The following KCNS3 variants were observed in gnomAD, a reference collection of about 807,000 sequenced individuals.
KCNS3 encodes delayed-rectifier potassium channel regulatory subunit KCNS3.
KCNS3 carries 13 observed loss-of-function variants against 31.0 expected under a neutral mutation model. The ratio of observed to expected loss-of-function variants is 0.42; its 90% CI spans 0.27 to 0.67. The LOEUF (loss-of-function observed/expected upper bound fraction) is 0.67, where lower values mean the gene tolerates loss of function less well. KCNS3 is among the 30% of genes least tolerant of loss of function. The pLI is 0.25. For missense variants in KCNS3, 545 were observed against 622.4 expected (o/e 0.88, Z 1.32); for synonymous variants, 238 against 241.5 (o/e 0.99, Z 0.13).
chr2:17,899,012 G>T (rs758046249), intron 1 of KCNS3, among the ~76,000 whole-genome samples: 1 of 152,136 alleles, frequency 6.6e-6, no homozygotes, highest in Admixed American at 6.5e-5. Context: ...TGGATCACAA[G>T]GTCAAGAGAT....
chr2:17,889,891 T>C (rs1215117903), intron 1 of KCNS3, among the ~76,000 whole-genome samples: 1 of 152,202 alleles, frequency 6.6e-6, no homozygotes, highest in Non-Finnish European at 1.5e-5. Flanking sequence ...GTTTTCTTTT[T>C]TGGTTATATC....
chr2:17,887,775 GT>G (rs1236280944), intron 1 of KCNS3, among the ~76,000 whole-genome samples: 1 of 152,122 alleles, frequency 6.6e-6, no homozygotes, highest in Admixed American at 6.5e-5. Context: ...GGTTGTACTA[GT>G]TTACATTCCC....
chr2:17,913,416 A>C (rs1318755039), intron 1 of KCNS3, among the ~76,000 whole-genome samples: 2 of 152,292 alleles, frequency 1.3e-5, no homozygotes, highest in East Asian at 3.8e-4. Context: ...TATAGATCTG[A>C]AACTAGATTA....
At position 17,932,347 on chromosome 2, in the gene KCNS3, C is replaced by T. The variant is rs142950694; in HGVS notation, c.1339C>T (p.Arg447Trp). ...YFNIRDIYAQ[R>W]MHTFITSLSS... is the part of the protein sequence containing the mutation. ...TAACATTAGGGATATATATGCACAGCGGATGCACACCTTCATTACCAGTCT... is the reference window on the plus strand; with the variant it reads ...TAACATTAGGGATATATATGCACAGTGGATGCACACCTTCATTACCAGTCT... The change falls in exon 3 of 3, where the codon CGG becomes TGG. Residue 447 changes from arginine (R) to tryptophan (W), a missense_variant. By Grantham distance (101) the Arg-to-Trp change is moderately radical. Coordinates refer to ENST00000304101, the MANE Select transcript of KCNS3 (RefSeq NM_002252.5). 7.9e-5 allele frequency: 127 copies of T among 1,614,030 alleles called. No homozygotes were observed. Among genetic ancestry groups the T allele is most frequent in the East Asian group, 2.9e-4 (13 of 44,876 alleles).
At chr2:17,881,638 C>T (rs559766697) in intron 1 of KCNS3, among the ~76,000 whole-genome samples, 1 of 152,222 alleles carries the variant, frequency 6.6e-6, no homozygotes, top group Non-Finnish European at 1.5e-5. Context: ...TGTACAAGGT[C>T]ACCCAGCCCG....
At chr2:17,884,730 A>G (rs142859641) in intron 1 of KCNS3, among the ~76,000 whole-genome samples, 23 of 152,288 alleles carry the variant, frequency 1.5e-4, no homozygotes, top group African/African-American at 5.1e-4. Context: ...TTGGTAAATT[A>G]ACAGATATAT....
At chr2:17,884,585 G>C (rs900391449) in intron 1 of KCNS3, among the ~76,000 whole-genome samples, 1 of 152,030 alleles carries the variant, frequency 6.6e-6, no homozygotes, top group Admixed American at 6.6e-5. Context: ...AAGATGAATG[G>C]AGGTGAGGAA....
Position 17,931,928 on chromosome 2 carries a change from C to T in KCNS3, c.920C>T (p.Ser307Leu), listed in dbSNP as rs556337820. Residue 307 changes from serine (S) to leucine (L), a missense_variant, in exon 3 of 3, where the codon TCG becomes TTG. Transcript: ENST00000304101. This position sits in a 1 kb window ranked among gnomAD's most constrained non-coding sequence, Gnocchi z 5.4. ...IFRILKLARHSVGLRSLGATL... is the reference protein window; with the variant it reads ...IFRILKLARHLVGLRSLGATL... ...CGAATTCTAAAGCTTGCCCGGCACT[C>T]GGTAGGACTTCGGTCTCTAGGTGCC... 2.1e-5 allele frequency: 34 copies of T among 1,614,112 alleles called. No individual in the cohort carries two copies. The highest frequency in any genetic ancestry group is 5.3e-5 in the African/African-American group (4 of 75,012).
At chr2:17,916,605 G>A (rs1572497701) in intron 1 of KCNS3, among the ~76,000 whole-genome samples, 1 of 152,316 alleles carries the variant, frequency 6.6e-6, no homozygotes, top group East Asian at 1.9e-4. Context: ...CTCTGCTGTT[G>A]CTGGGACAAC....
At chr2:17,899,894 C>T (rs759227935) in intron 1 of KCNS3, among the ~76,000 whole-genome samples, 1 of 152,228 alleles carries the variant, frequency 6.6e-6, no homozygotes, top group Admixed American at 6.5e-5. Context: ...ATTGTTTAAA[C>T]ACTCATTTAG....
intron 1 of KCNS3, among the ~76,000 whole-genome samples, chr2:17,892,588 T>C (rs909401092): frequency 5.9e-5 from 9 of 152,208 alleles, no homozygotes; most frequent in Admixed American, 2.6e-4. Context: ...GGTCTAGGGC[T>C]GAAGGCTGTT....
chr2:17,924,490 T>G (rs2125252531), intron 2 of KCNS3, among the ~76,000 whole-genome samples: 1 of 152,250 alleles, frequency 6.6e-6, no homozygotes, highest in South Asian at 2.1e-4. Context: ...TAGCTGTGGG[T>G]TTTTCATAGA....
At chr2:17,914,823 G>A (rs554896183) in intron 1 of KCNS3, among the ~76,000 whole-genome samples, 43 of 152,272 alleles carry the variant, frequency 2.8e-4, no homozygotes, top group Admixed American at 1.6e-3. Context: ...ACAGACCTAC[G>A]GTGCACTGTC....
chr2:17,907,398 C>G (rs570573728), intron 1 of KCNS3, among the ~76,000 whole-genome samples: 3 of 152,258 alleles, frequency 2.0e-5, no homozygotes, highest in Non-Finnish European at 4.4e-5. Context: ...ACTGATGGGT[C>G]TTGACTCTTT....
chr2:17,879,273 G>A (rs1674583971), intron 1 of KCNS3: 1 of 152,210 alleles, frequency 6.6e-6, no homozygotes, highest in South Asian at 2.1e-4. Context: ...TCGAGAGGAG[G>A]CGCTTTCCTG....
At chr2:17,922,970 G>T (rs908071765) in intron 2 of KCNS3, among the ~76,000 whole-genome samples, 4 of 152,134 alleles carry the variant, frequency 2.6e-5, no homozygotes, top group Admixed American at 1.3e-4. Flanking sequence ...CCTAGGAATG[G>T]AATTGCTGGG....
At chr2:17,886,667 C>CCCAT (rs1392710597) in intron 1 of KCNS3, among the ~76,000 whole-genome samples, 1 of 142,712 alleles carries the variant, frequency 7.0e-6, no homozygotes, top group African/African-American at 2.7e-5. Context: ...TCTGGGTGTC[C>CCCAT]CCATCCATCC....
intron 2 of KCNS3, among the ~76,000 whole-genome samples, chr2:17,929,017 C>T (rs969434161): frequency 2.0e-5 from 3 of 152,248 alleles, no homozygotes; most frequent in Non-Finnish European, 4.4e-5. Context: ...CCCCGTGCAG[C>T]TTTCACGCTG....
intron 2 of KCNS3, among the ~76,000 whole-genome samples, chr2:17,929,705 C>T (rs1014298097): frequency 6.6e-6 from 1 of 152,188 alleles, no homozygotes; most frequent in Non-Finnish European, 1.5e-5. Context: ...GCTTGACTGA[C>T]CTCTCGCATA....
Sources: allele counts gnomAD v4.1 joint callset (sites outside exome capture counted in the v4.1 genomes callset), GRCh38; gene constraint gnomAD v4.1.1; non-coding constraint Gnocchi (gnomAD v3.1); transcripts MANE v1.5; gene names NCBI Gene and HGNC (gene_info 2026-07-23, HGNC 2026-07-21).